Variants in COX16 observed in about 807,000 individuals in gnomAD.
COX16 encodes cytochrome c oxidase assembly protein COX16 homolog, mitochondrial.
In COX16, 12 loss-of-function variants were observed where a neutral mutation model predicts 15.4. The ratio of observed to expected loss-of-function variants is 0.78; its 90% CI spans 0.50 to 1.26. The LOEUF (loss-of-function observed/expected upper bound fraction) is 1.26. Ranked by LOEUF, COX16 falls within the 50% of genes most tolerant of loss-of-function variation. COX16 has a pLI of 0.00. For synonymous variants in COX16, 46 were observed against 41.1 expected, an observed-to-expected ratio of 1.12 and a Z score of -0.46; for missense variants, 124 against 127.6, an observed-to-expected ratio of 0.97 and a Z score of 0.14.
At chr14:70,341,189 T>C (rs1439325919) in intron 2 of COX16, among the ~76,000 whole-genome samples, 5 of 152,214 alleles carry the variant, frequency 3.3e-5, no homozygotes, top group Admixed American at 2.0e-4. Flanking sequence ...TGAAAGCTTT[T>C]AACACAGTTA....
chr14:70,339,334 C>T (rs1183333135), intron 2 of COX16, among the ~76,000 whole-genome samples: 1 of 152,168 alleles, frequency 6.6e-6, no homozygotes, highest in Non-Finnish European at 1.5e-5. Context: ...CTGTTGCTTC[C>T]AGCCCTTACT....
intron 1 of COX16, 109 bp downstream of exon 1, chr14:70,359,409 GC>G: frequency 1.0e-6 from 1 of 979,952 alleles, no homozygotes; most frequent in Non-Finnish European, 1.6e-6. Flanking sequence ...CTCCTTCCTA[GC>G]CCGAGTGCCA....
At chr14:70,356,025 C>CTT (rs1379574559) in intron 1 of COX16, among the ~76,000 whole-genome samples, 1 of 152,132 alleles carries the variant, frequency 6.6e-6, no homozygotes, top group East Asian at 1.9e-4. Flanking sequence ...GAGGCCCGCA[C>CTT]CAGAAGCAGA....
At chr14:70,333,045 G>T (rs1311969581) in intron 2 of COX16, among the ~76,000 whole-genome samples, 1 of 152,192 alleles carries the variant, frequency 6.6e-6, no homozygotes, top group African/African-American at 2.4e-5. Flanking sequence ...GTGGACACAG[G>T]CTCAGGGAAG....
In COX16 at chr14:70,336,386, A is replaced by G. The variant is rs75916072; in HGVS notation, c.141+6272T>C. 9.5e-3 allele frequency among the ~76,000 whole-genome samples: 1,443 copies of G among 152,276 alleles called. 10 individuals carry two copies. Among genetic ancestry groups the G allele is most frequent in the Non-Finnish European group, 0.016 (1,075 of 68,020 alleles). On this transcript the variant is annotated intron_variant, in intron 2 of 3. Transcript: ENST00000389912. ...CAGAATGGGTCTGGAATGCTTAACAATTTTTACTTTTTGACACAGATGGTG... is the reference window on the plus strand; with the variant it reads ...CAGAATGGGTCTGGAATGCTTAACAGTTTTTACTTTTTGACACAGATGGTG...
At chr14:70,346,577 T>C (rs920805246) in intron 1 of COX16, among the ~76,000 whole-genome samples, 1 of 152,210 alleles carries the variant, frequency 6.6e-6, no homozygotes, top group African/African-American at 2.4e-5. Flanking sequence ...CTCATTGGCC[T>C]TGCCGCTGAA....
At chr14:70,329,678 A>G (rs114921270) in intron 2 of COX16, among the ~76,000 whole-genome samples, 2,482 of 151,544 alleles carry the variant, frequency 0.016, 73 homozygotes, top group African/African-American at 0.056. Flanking sequence ...TGCACTTGAA[A>G]ACAAAAAGGA....
At chr14:70,337,226 T>G (rs1886482615) in intron 2 of COX16, among the ~76,000 whole-genome samples, 1 of 152,166 alleles carries the variant, frequency 6.6e-6, no homozygotes, top group African/African-American at 2.4e-5. Flanking sequence ...GAGCAGAATT[T>G]CCTGGAGTAT....
intron 1 of COX16, among the ~76,000 whole-genome samples, chr14:70,348,254 A>G (rs1244001463): frequency 6.6e-6 from 1 of 152,072 alleles, no homozygotes; most frequent in African/African-American, 2.4e-5. Context: ...CCATAATATC[A>G]AAGACATGCT....
chr14:70,328,072 A>ATTTC (rs1886142974), intron 3 of COX16: 1 of 80,840 alleles, frequency 1.2e-5, no homozygotes, highest in Non-Finnish European at 2.2e-5. Context: ...TGAGAATAAG[A>ATTTC]TTTTTTTTTT....
At chr14:70,351,179 T>C (rs1238671409) in intron 1 of COX16, among the ~76,000 whole-genome samples, 1 of 152,186 alleles carries the variant, frequency 6.6e-6, no homozygotes, top group African/African-American at 2.4e-5. Flanking sequence ...TTCCCCCCAA[T>C]ATAACCACTG....
intron 1 of COX16, among the ~76,000 whole-genome samples, chr14:70,348,086 A>G (rs563686597): frequency 1.3e-5 from 2 of 152,200 alleles, no homozygotes; most frequent in East Asian, 1.9e-4. Flanking sequence ...AACCCAGTCT[A>G]AGAGACCCAC....
intron 1 of COX16, among the ~76,000 whole-genome samples, chr14:70,349,639 A>T (rs1224088446): frequency 6.6e-6 from 1 of 152,202 alleles, no homozygotes; most frequent in East Asian, 1.9e-4. Context: ...AAAACCCAGC[A>T]GTTGTGGACA....
chr14:70,347,840 A>G (rs563230648), intron 1 of COX16, among the ~76,000 whole-genome samples: 1 of 152,104 alleles, frequency 6.6e-6, no homozygotes, highest in Non-Finnish European at 1.5e-5. Context: ...TCTCTTTCCT[A>G]GGACTAGTGG....
chr14:70,329,721 C>CCAA (rs1886218925), intron 2 of COX16, among the ~76,000 whole-genome samples: 1 of 117,970 alleles, frequency 8.5e-6, no homozygotes, highest in Non-Finnish European at 1.7e-5. Flanking sequence ...AGATATCTAC[C>CCAA]AAAAAAAAAA....
At chr14:70,328,564 G>C (rs1054905130) in intron 3 of COX16, among the ~76,000 whole-genome samples, 3 of 151,974 alleles carry the variant, frequency 2.0e-5, no homozygotes, top group Admixed American at 2.0e-4. Flanking sequence ...TACCTCGTTA[G>C]ACTTTGACAT....
chr14:70,352,733 CCT>C (rs1303006464), intron 1 of COX16, among the ~76,000 whole-genome samples: 3 of 146,630 alleles, frequency 2.0e-5, no homozygotes, highest in Non-Finnish European at 4.5e-5. Flanking sequence ...GCAACCTCTG[CCT>C]CCCGGGTTCA....
At chr14:70,359,480 G>T in intron 1 of COX16, 39 bp downstream of exon 1, 1 of 1,556,990 alleles carries the variant, frequency 6.4e-7, no homozygotes, top group Non-Finnish European at 8.9e-7. Flanking sequence ...AAGGAGGAGG[G>T]TCCCACCCCT....
intron 1 of COX16, among the ~76,000 whole-genome samples, chr14:70,354,387 C>T (rs1887061158): frequency 6.6e-6 from 1 of 152,166 alleles, no homozygotes; most frequent in South Asian, 2.1e-4. Flanking sequence ...AGGGCTGGGG[C>T]TTTGAGCTAT....
Sources: gnomAD v4.1 joint callset for allele counts (sites outside exome capture counted in the v4.1 genomes callset) on GRCh38, gnomAD v4.1.1 for gene constraint, MANE v1.5 for transcripts, NCBI Gene and HGNC (gene_info 2026-07-23, HGNC 2026-07-21) for gene names.